The following BTBD9 variants were observed in gnomAD, a reference collection of about 807,000 sequenced individuals.
The protein encoded by BTBD9 is BTB/POZ domain-containing protein 9.
A neutral mutation model predicts 64.3 loss-of-function variants in BTBD9; 49 were observed. The observed-to-expected ratio is 0.76, with a 90% CI of 0.61 to 0.97. The LOEUF is 0.97. Among genes scored for constraint, BTBD9 ranks in the 50% least tolerant of loss-of-function variants. The pLI is 0.00. For missense variants in BTBD9, 598 were observed against 762.1 expected, an observed-to-expected ratio of 0.78 and a Z score of 2.53; for synonymous variants, 260 against 274.7, an observed-to-expected ratio of 0.95 and a Z score of 0.53.
intron 8 of BTBD9, among the ~76,000 whole-genome samples, chr6:38,273,429 G>C (rs1429946220): frequency 6.6e-6 from 1 of 152,196 alleles, no homozygotes; most frequent in East Asian, 1.9e-4. Context: ...ACAAGGGGAT[G>C]CTTCACATTC....
intron 6 of BTBD9, among the ~76,000 whole-genome samples, chr6:38,372,219 G>A (rs1288214576): frequency 6.6e-6 from 1 of 152,172 alleles, no homozygotes; most frequent in Non-Finnish European, 1.5e-5. Context: ...AAAATCTAAA[G>A]TGATTAAAAT....
chr6:38,580,129 C>T (rs1776221856), intron 5 of BTBD9, 89 bp downstream of exon 5: 1 of 1,229,508 alleles, frequency 8.1e-7, no homozygotes, highest in African/African-American at 1.5e-5. Context: ...AAGAAATAAA[C>T]CATCATATCT....
intron 6 of BTBD9, among the ~76,000 whole-genome samples, chr6:38,533,735 A>C (rs1358005350): frequency 6.6e-6 from 1 of 152,176 alleles, no homozygotes. Context: ...AACAAAAGGA[A>C]TTCTGAAAAC....
intron 6 of BTBD9, among the ~76,000 whole-genome samples, chr6:38,390,521 A>C (rs928330974): frequency 1.3e-5 from 2 of 152,236 alleles, no homozygotes; most frequent in Non-Finnish European, 2.9e-5. Context: ...AATAACAGCT[A>C]ATGTTCAAGA....
At chr6:38,228,734 C>T (rs34641393) in intron 9 of BTBD9, among the ~76,000 whole-genome samples, 7,384 of 150,668 alleles carry the variant, frequency 0.049, 252 homozygotes, top group South Asian at 0.079. Flanking sequence ...ATTAGCCAGG[C>T]GTGGTGGCAT....
intron 6 of BTBD9, among the ~76,000 whole-genome samples, chr6:38,495,596 T>G (rs1771918404): frequency 6.6e-6 from 1 of 152,216 alleles, no homozygotes; most frequent in African/African-American, 2.4e-5. Context: ...TGTTATGTGC[T>G]TCATGTGCTA....
intron 7 of BTBD9, among the ~76,000 whole-genome samples, chr6:38,294,417 T>C (rs945657775): frequency 6.6e-6 from 1 of 152,194 alleles, no homozygotes; most frequent in African/African-American, 2.4e-5. Context: ...TGCCCATCAA[T>C]GATAGACTGG....
chr6:38,449,405 C>A (rs1437339440), intron 6 of BTBD9, among the ~76,000 whole-genome samples: 2 of 152,124 alleles, frequency 1.3e-5, no homozygotes, highest in Non-Finnish European at 2.9e-5. Context: ...CAGCACAGTA[C>A]TGGCATAAAA....
In BTBD9 at chr6:38,588,346, A is replaced by G. The variant is rs59283544; in HGVS notation, c.814+4230T>C. 3.5e-3 allele frequency: 3,160 copies of G among 900,624 alleles called. 35 individuals carry two copies. The highest frequency in any genetic ancestry group is 0.027 in the African/African-American group (1,691 of 61,764). The allele number at this position is 900,624 out of a possible 1,614,324, so 55.8% of individuals were successfully genotyped here. A position where few individuals can be genotyped will look rare whatever the true frequency, so the allele number is the denominator to read the frequency against. On this transcript the variant is annotated intron_variant, in intron 4 of 10. Coordinates refer to ENST00000481247, the MANE Select transcript of BTBD9 (RefSeq NM_001099272.2). ...TACTACCCAAACTTTTCAGCCTACT[A>G]ATTATACTGTGGCCCCTGCCTCTCA...
chr6:38,309,701 G>A (rs1401456258), intron 7 of BTBD9, among the ~76,000 whole-genome samples: 1 of 151,482 alleles, frequency 6.6e-6, no homozygotes, highest in Non-Finnish European at 1.5e-5. Context: ...GTGAACCACT[G>A]CGCCCAGCCT....
intron 6 of BTBD9, among the ~76,000 whole-genome samples, chr6:38,543,446 G>A (rs1023407551): frequency 2.0e-5 from 3 of 152,164 alleles, no homozygotes; most frequent in African/African-American, 7.2e-5. Context: ...CCAGTGATTG[G>A]CACTTAGTAA....
At chr6:38,361,296 C>A (rs1562076718) in intron 6 of BTBD9, among the ~76,000 whole-genome samples, 1 of 152,306 alleles carries the variant, frequency 6.6e-6, no homozygotes, top group East Asian at 1.9e-4. Flanking sequence ...GTAATCCCAG[C>A]ACTTTGGGAG....
intron 6 of BTBD9, among the ~76,000 whole-genome samples, chr6:38,495,111 G>A (rs981262767): frequency 3.3e-5 from 5 of 152,142 alleles, no homozygotes; most frequent in African/African-American, 4.8e-5. Context: ...CACCGAAACC[G>A]ACAAAGCAAC....
rs76328841 is a variant in BTBD9, at chr6:38,567,444, A to G, written c.1154+10156T>C. Among the ~76,000 whole-genome samples the G allele has an allele frequency of 2.2e-3, 336 of 152,318 alleles. 6 individuals are homozygous for G. The East Asian group carries it at 0.037, about 17-fold the overall frequency. On this transcript the variant is annotated intron_variant, in intron 6 of 10. Coordinates refer to ENST00000481247, the MANE Select transcript of BTBD9 (RefSeq NM_001099272.2). ...AACATAAGTAAGGCCGCTAAAGAAA[A>G]TATTACAGCTCTTAAATGAGGTCAA...
At chr6:38,515,990 G>C (rs1773006362) in intron 6 of BTBD9, among the ~76,000 whole-genome samples, 1 of 152,220 alleles carries the variant, frequency 6.6e-6, no homozygotes, top group South Asian at 2.1e-4. Flanking sequence ...TTCAGGATGT[G>C]TAAATTATAC....
chr6:38,474,757 T>C (rs889661868), intron 6 of BTBD9, among the ~76,000 whole-genome samples: 2 of 152,156 alleles, frequency 1.3e-5, no homozygotes, highest in African/African-American at 4.8e-5. Flanking sequence ...TTCTTAAACA[T>C]AATTACATTC....
intron 6 of BTBD9, among the ~76,000 whole-genome samples, chr6:38,529,296 C>G (rs1288440098): frequency 6.6e-6 from 1 of 152,186 alleles, no homozygotes; most frequent in East Asian, 1.9e-4. Context: ...GAGTCTCCAC[C>G]TGGTAATCCA....
intron 6 of BTBD9, among the ~76,000 whole-genome samples, chr6:38,568,428 C>T (rs1775617333): frequency 6.6e-6 from 1 of 152,208 alleles, no homozygotes; most frequent in Non-Finnish European, 1.5e-5. Context: ...CCTAGAAACT[C>T]TTCCTCACCA....
intron 1 of BTBD9, among the ~76,000 whole-genome samples, chr6:38,605,733 G>C (rs556196925): frequency 1.3e-5 from 2 of 152,262 alleles, no homozygotes; most frequent in South Asian, 4.2e-4. Flanking sequence ...CAGGAGGATT[G>C]CTTGAGCCCA....
Sources: gnomAD v4.1 joint callset for allele counts (sites outside exome capture counted in the v4.1 genomes callset) on GRCh38, gnomAD v4.1.1 for gene constraint, MANE v1.5 for transcripts, NCBI Gene and HGNC (gene_info 2026-07-23, HGNC 2026-07-21) for gene names.